CHCHD3: variants seen among roughly 807,000 people sequenced by gnomAD.
CHCHD3 encodes MICOS complex subunit MIC19.
A neutral mutation model predicts 38.2 loss-of-function variants in CHCHD3; 20 were observed. The observed-to-expected ratio is 0.52, with a 90% CI of 0.37 to 0.76. The LOEUF (loss-of-function observed/expected upper bound fraction) is 0.76. Among genes scored for constraint, CHCHD3 ranks in the 30% least tolerant of loss-of-function variants. CHCHD3 has a pLI of 0.00. For missense variants in CHCHD3, 245 were observed against 279.2 expected, an observed-to-expected ratio of 0.88 and a Z score of 0.87; for synonymous variants, 82 against 100.0, an observed-to-expected ratio of 0.82 and a Z score of 1.07.
chr7:133,059,899 T>C (rs1477120189), intron 2 of CHCHD3, among the ~76,000 whole-genome samples: 5 of 152,194 alleles, frequency 3.3e-5, no homozygotes, highest in African/African-American at 9.7e-5. Context: ...CCTAACTTTA[T>C]AATACGGTCA....
chr7:132,926,719 G>C (rs966166918), intron 4 of CHCHD3, among the ~76,000 whole-genome samples: 3 of 151,984 alleles, frequency 2.0e-5, no homozygotes, highest in Non-Finnish European at 4.4e-5. Context: ...TATAACCTAG[G>C]CACATCTTCC....
Position 132,788,916 on chromosome 7 carries a change from A to G in CHCHD3, c.661-3256T>C, listed in dbSNP as rs1235432912. ...GCAGGGGTGGTACAAAACCATCTCAATTCTATCAGGGAAATTAACAAACAC... is the reference window on the plus strand; with the variant it reads ...GCAGGGGTGGTACAAAACCATCTCAGTTCTATCAGGGAAATTAACAAACAC... On this transcript the variant is annotated intron_variant, in intron 7 of 7. Coordinates refer to ENST00000262570, the MANE Select transcript of CHCHD3 (RefSeq NM_017812.4). The surrounding 1 kb of genome is among the most constrained non-coding windows in gnomAD (Gnocchi z 4.0). Among the ~76,000 whole-genome samples, 7 of 152,176 alleles carry G rather than the reference A, an allele frequency of 4.6e-5. No homozygotes were observed. The East Asian group carries it at 1.2e-3, about 25-fold the overall frequency.
At chr7:132,919,097 A>ATTTTTTTTT (rs1585637830) in intron 4 of CHCHD3, among the ~76,000 whole-genome samples, 2 of 62,058 alleles carry the variant, frequency 3.2e-5, no homozygotes, top group East Asian at 5.9e-4. Context: ...AGTTGGGTTT[A>ATTTTTTTTT]TTCTTTTTTT....
chr7:132,877,850 T>A (rs1035225206), intron 5 of CHCHD3, among the ~76,000 whole-genome samples: 3 of 152,140 alleles, frequency 2.0e-5, no homozygotes, highest in Non-Finnish European at 2.9e-5. Flanking sequence ...TCTCTCTAGG[T>A]TGACAAGTGC....
chr7:132,914,856 G>T (rs541470010), intron 4 of CHCHD3, among the ~76,000 whole-genome samples: 19 of 152,086 alleles, frequency 1.2e-4, no homozygotes, highest in Admixed American at 3.9e-4. Flanking sequence ...AAATAAAGAA[G>T]AATAATATTA....
intron 3 of CHCHD3, among the ~76,000 whole-genome samples, chr7:133,021,705 C>T (rs1489869004): frequency 6.6e-6 from 1 of 152,132 alleles, no homozygotes; most frequent in Non-Finnish European, 1.5e-5. Flanking sequence ...TGTAGAGTGA[C>T]TAGATATGTG....
At chr7:133,046,852 C>T (rs544330322) in intron 2 of CHCHD3, among the ~76,000 whole-genome samples, 1 of 152,172 alleles carries the variant, frequency 6.6e-6, no homozygotes, top group African/African-American at 2.4e-5. Context: ...CGTGAGCCAC[C>T]GCACCCGGCC....
chr7:132,843,369 A>G (rs1807992437), intron 5 of CHCHD3, among the ~76,000 whole-genome samples: 1 of 152,214 alleles, frequency 6.6e-6, no homozygotes, highest in African/African-American at 2.4e-5. Context: ...GAATACACAC[A>G]CTAAATTTGT....
chr7:133,004,920 A>T (rs1812661852), intron 3 of CHCHD3, among the ~76,000 whole-genome samples: 1 of 152,144 alleles, frequency 6.6e-6, no homozygotes, highest in Non-Finnish European at 1.5e-5. Flanking sequence ...TATTCCAAAG[A>T]TTATAGTAGA....
chr7:132,961,305 G>A (rs933100410), intron 4 of CHCHD3, among the ~76,000 whole-genome samples: 3 of 152,126 alleles, frequency 2.0e-5, no homozygotes, highest in African/African-American at 7.2e-5. Context: ...GTTTTAATGA[G>A]TTGAAGAAAG....
chr7:133,031,842 A>G (rs1427319066), intron 2 of CHCHD3, among the ~76,000 whole-genome samples: 2 of 152,168 alleles, frequency 1.3e-5, no homozygotes, highest in African/African-American at 4.8e-5. Context: ...GAGATAGTTG[A>G]GCAAAAAGTT....
At chr7:132,958,108 A>T (rs1811226115) in intron 4 of CHCHD3, among the ~76,000 whole-genome samples, 1 of 152,228 alleles carries the variant, frequency 6.6e-6, no homozygotes, top group Non-Finnish European at 1.5e-5. Flanking sequence ...TGGCTATTTG[A>T]TAAGCTTTAC....
Position 133,005,904 on chromosome 7 carries a change from TC to T in CHCHD3, c.251+18641del, listed in dbSNP as rs963049014. Among the ~76,000 whole-genome samples, 10 of 152,308 alleles carry T rather than the reference TC, an allele frequency of 6.6e-5. No homozygotes were observed. In the South Asian group the frequency reaches 2.1e-3, roughly 32 times the overall value. ...CTGTGGCAATTTTAGAAATACTGAG[TC>T]CACTCCAGGGCAATTAGAGTATTCC... On this transcript the variant is annotated intron_variant, in intron 3 of 7. Transcript: ENST00000262570.
Position 133,035,964 on chromosome 7 carries a change from A to T in CHCHD3, c.170-11337T>A. On this transcript the variant is annotated intron_variant, in intron 2 of 7. Transcript: ENST00000262570. This position sits in a 1 kb window ranked among gnomAD's most constrained non-coding sequence, Gnocchi z 4.7. ...GGCTGGATCCAGTCTTAAAAGTGTT[A>T]TCAGGTAGGGGTCCTTAGGGGAACT... is the stretch of plus-strand genomic sequence containing the variant. The T allele has an allele frequency of 1.5e-6, 2 of 1,363,118 alleles. No individual in the cohort carries two copies. Among genetic ancestry groups the T allele is most frequent in the Non-Finnish European group, 2.1e-6 (2 of 968,282 alleles). The allele number at this position is 1,363,118 out of a possible 1,614,324, so 84.4% of individuals were successfully genotyped here.
chr7:132,785,403 T>G lies in CHCHD3; in HGVS notation c.*234A>C. 1 of 569,360 alleles carries G rather than the reference T, an allele frequency of 1.8e-6. No individual in the cohort carries two copies. The highest frequency in any genetic ancestry group is 3.2e-6 in the Non-Finnish European group (1 of 317,310). 35.3% of individuals were successfully genotyped at this position (569,360 alleles called of 1,614,324 possible). On this transcript the variant is annotated 3_prime_UTR_variant, in exon 8 of 8. Coordinates refer to ENST00000262570, the MANE Select transcript of CHCHD3 (RefSeq NM_017812.4). ...TTCTCTTTTAATCATCATAAGAGGG[T>G]TTACTAATACTCAAGAGTGTCCTTT...
chr7:133,001,050 C>T (rs539816820), intron 3 of CHCHD3, among the ~76,000 whole-genome samples: 1 of 152,164 alleles, frequency 6.6e-6, no homozygotes, highest in Admixed American at 6.5e-5. Flanking sequence ...TTTCTAAGAT[C>T]TTTATTAAGG....
In CHCHD3 at chr7:132,824,314, CTT is replaced by C. The variant is rs57262694; in HGVS notation, c.524+14083_524+14084del. Among the ~76,000 whole-genome samples, 85 of 90,138 alleles carry C rather than the reference CTT, an allele frequency of 9.4e-4. No homozygotes were observed. The East Asian group carries it at 0.021, about 22-fold the overall frequency. The allele number at this position is 90,138 out of a possible 152,430, so 59.1% of individuals were successfully genotyped here. The stretch of plus-strand genomic sequence containing the variant: ...AAAAATATTCCCAAGTAGTAGAACT[CTT>C]TTTTTTTTTTTTTTTTTTTTGAGAC... On this transcript the variant is annotated intron_variant, in intron 6 of 7. Transcript: ENST00000262570.
intron 4 of CHCHD3, among the ~76,000 whole-genome samples, chr7:132,968,134 A>G (rs968656946): frequency 6.6e-6 from 1 of 152,200 alleles, no homozygotes; most frequent in African/African-American, 2.4e-5. Context: ...CCAGCTGATA[A>G]TAATAATGCT....
intron 2 of CHCHD3, among the ~76,000 whole-genome samples, chr7:133,032,065 TCTTCTAAAAGCTA>T (rs1813519426): frequency 6.6e-6 from 1 of 152,196 alleles, no homozygotes; most frequent in Admixed American, 6.5e-5. Flanking sequence ...CTGCTCCTTA[TCTTCTAAAAGCTA>T]CAGGGTTTGA....
Sources: gnomAD v4.1 joint callset for allele counts (sites outside exome capture counted in the v4.1 genomes callset) on GRCh38, gnomAD v4.1.1 for gene constraint, Gnocchi (gnomAD v3.1) non-coding constraint, MANE v1.5 for transcripts, NCBI Gene and HGNC (gene_info 2026-07-23, HGNC 2026-07-21) for gene names.